Variants in PEX13 observed in about 807,000 individuals in gnomAD.
PEX13 encodes the protein peroxisome biogenesis factor 13.
A neutral mutation model predicts 34.5 loss-of-function variants in PEX13; 28 were observed. The ratio of observed to expected loss-of-function variants is 0.81; its 90% CI spans 0.60 to 1.11. PEX13 has a LOEUF of 1.11. PEX13 is among the 50% of genes most tolerant of loss of function. The pLI is 0.00. For synonymous variants in PEX13, 177 were observed against 175.1 expected (o/e 1.01, Z -0.09); for missense variants, 550 against 491.0 (o/e 1.12, Z -1.13).
At chr2:61,027,015 G>C (rs1680368261) in intron 1 of PEX13, among the ~76,000 whole-genome samples, 1 of 151,878 alleles carries the variant, frequency 6.6e-6, no homozygotes, top group South Asian at 2.1e-4. Flanking sequence ...ACTTAGGTAA[G>C]AATCAGGTGT....
chr2:61,028,304 CTTAAT>C (rs1264974697), intron 1 of PEX13, among the ~76,000 whole-genome samples: 4 of 151,972 alleles, frequency 2.6e-5, no homozygotes, highest in Non-Finnish European at 5.9e-5. Context: ...TAAATGCAAT[CTTAAT>C]TTAATAGGAG....
intron 1 of PEX13, among the ~76,000 whole-genome samples, chr2:61,019,382 C>G (rs1024980047): frequency 6.6e-6 from 1 of 151,834 alleles, no homozygotes; most frequent in African/African-American, 2.4e-5. Flanking sequence ...TGTGTGGCTT[C>G]TCCTCTTTAT....
At chr2:61,030,722 G>C (rs1339139524) in intron 1 of PEX13, among the ~76,000 whole-genome samples, 1 of 152,084 alleles carries the variant, frequency 6.6e-6, no homozygotes, top group Non-Finnish European at 1.5e-5. Flanking sequence ...GCAGTGATTT[G>C]GTATCTGCTG....
chr2:61,048,920 T>C lies in PEX13; in HGVS notation c.*150T>C. On this transcript the variant is annotated 3_prime_UTR_variant, in exon 4 of 4. Coordinates refer to ENST00000295030, the MANE Select transcript of PEX13 (RefSeq NM_002618.4). ...GCTAGAAATTATTAAAGTTACACAC[T>C]AGTATGTTGGTCTGGTGACCTGGTT... The C allele has an allele frequency of 1.5e-6, 1 of 681,896 alleles. No homozygotes were observed. The highest frequency in any genetic ancestry group is 1.8e-5 in the South Asian group (1 of 55,120). The allele number at this position is 681,896 out of a possible 1,614,324, so 42.2% of individuals were successfully genotyped here. A position where few individuals can be genotyped will look rare whatever the true frequency, so the allele number is the denominator to read the frequency against.
chr2:61,037,301 A>G (rs771821700), intron 2 of PEX13, among the ~76,000 whole-genome samples: 3 of 152,198 alleles, frequency 2.0e-5, no homozygotes, highest in Admixed American at 6.5e-5. Context: ...CTACACCCCA[A>G]ATCAACAGAG....
intron 2 of PEX13, among the ~76,000 whole-genome samples, chr2:61,041,480 G>C (rs1288192837): frequency 6.6e-6 from 1 of 152,182 alleles, no homozygotes; most frequent in East Asian, 1.9e-4. Flanking sequence ...GAAGGATGAT[G>C]AATGATGTAA....
At chr2:61,033,982 TGTTTTGTTTTTTG>T (rs1680492579) in intron 2 of PEX13, among the ~76,000 whole-genome samples, 1 of 145,932 alleles carries the variant, frequency 6.9e-6, no homozygotes, top group Admixed American at 7.8e-5. Flanking sequence ...TGTTTTTTTT[TGTTTTGTTTTTTG>T]TTTTGTTTTT....
intron 1 of PEX13, among the ~76,000 whole-genome samples, chr2:61,030,883 A>G (rs1217706421): frequency 6.6e-6 from 1 of 152,154 alleles, no homozygotes; most frequent in Non-Finnish European, 1.5e-5. Flanking sequence ...GAAATGGGGA[A>G]TAGCTGCTAA....
chr2:61,021,528 GGGA>G (rs1333795778), intron 1 of PEX13, among the ~76,000 whole-genome samples: 1 of 152,210 alleles, frequency 6.6e-6, no homozygotes, highest in East Asian at 1.9e-4. Context: ...AGCTTGAACT[GGGA>G]GGAGCCCACT....
At chr2:61,018,107 C>G in intron 1 of PEX13, 1 of 1,545,764 alleles carries the variant, frequency 6.5e-7, no homozygotes, top group East Asian at 2.4e-5. Flanking sequence ...GGTCTCTGTG[C>G]TTGAAAGAAA....
chr2:61,027,095 G>A (rs562316927), intron 1 of PEX13, among the ~76,000 whole-genome samples: 2 of 151,814 alleles, frequency 1.3e-5, no homozygotes, highest in African/African-American at 4.8e-5. Context: ...GGCCAAGGCA[G>A]GAGGATTGCT....
chr2:61,049,750 G>C lies in PEX13; in HGVS notation c.*980G>C, dbSNP rs548289599. 1.3e-5 allele frequency: 2 copies of C among 152,132 alleles called. No homozygotes were observed. Among genetic ancestry groups the C allele is most frequent in the South Asian group, 4.1e-4 (2 of 4,824 alleles). 9.4% of individuals were successfully genotyped at this position (152,132 alleles called of 1,614,324 possible). A position where few individuals can be genotyped will look rare whatever the true frequency, so the allele number is the denominator to read the frequency against. Reference sequence around the variant, plus strand: ...AGATCTCGCCATTGCACTTCAGCCTGGGCAACAAAAGCGAAACTCCATCTC... The same window carrying C: ...AGATCTCGCCATTGCACTTCAGCCTCGGCAACAAAAGCGAAACTCCATCTC... On this transcript the variant is annotated 3_prime_UTR_variant, in exon 4 of 4. Coordinates refer to ENST00000295030, the MANE Select transcript of PEX13 (RefSeq NM_002618.4).
At chr2:61,028,733 G>A (rs1680401214) in intron 1 of PEX13, among the ~76,000 whole-genome samples, 2 of 152,008 alleles carry the variant, frequency 1.3e-5, no homozygotes, top group Admixed American at 6.6e-5. Context: ...CTCTTTAGAA[G>A]GTCAGGGATA....
At chr2:61,019,050 A>G (rs1361489157) in intron 1 of PEX13, 1 of 152,326 alleles carries the variant, frequency 6.6e-6, no homozygotes, top group East Asian at 1.9e-4. Flanking sequence ...TTTTCAAAAT[A>G]AAAGACGGCT....
At chr2:61,045,951 C>G in intron 3 of PEX13, 100 bp downstream of exon 3, 1 of 1,041,146 alleles carries the variant, frequency 9.6e-7, no homozygotes, top group Non-Finnish European at 1.5e-6. Flanking sequence ...TGTTAGTTAA[C>G]TTAGAGATAG....
Position 61,051,907 on chromosome 2 carries a change from C to G in PEX13, c.*3137C>G, listed in dbSNP as rs566542969. The G allele has an allele frequency of 2.6e-5, 4 of 152,246 alleles. No homozygotes were observed. The highest frequency in any genetic ancestry group is 7.2e-5 in the African/African-American group (3 of 41,494). 9.4% of individuals were successfully genotyped at this position (152,246 alleles called of 1,614,324 possible). A position where few individuals can be genotyped will look rare whatever the true frequency, so the allele number is the denominator to read the frequency against. Reference sequence around the variant, plus strand: ...GTGCTTTCTTTAATAGAAAAATGAACAGAAACTGAATGCAGTTAAATTTTT... The same window carrying G: ...GTGCTTTCTTTAATAGAAAAATGAAGAGAAACTGAATGCAGTTAAATTTTT... On this transcript the variant is annotated 3_prime_UTR_variant, in exon 4 of 4. Coordinates refer to ENST00000295030, the MANE Select transcript of PEX13 (RefSeq NM_002618.4).
chr2:61,043,954 C>A (rs970025658), intron 2 of PEX13, among the ~76,000 whole-genome samples: 1 of 152,104 alleles, frequency 6.6e-6, no homozygotes, highest in Admixed American at 6.6e-5. Flanking sequence ...TAGTTAAATT[C>A]TGAGTTCTTT....
intron 1 of PEX13, among the ~76,000 whole-genome samples, chr2:61,023,038 T>C (rs1477366006): frequency 2.0e-5 from 3 of 151,750 alleles, no homozygotes; most frequent in Non-Finnish European, 4.4e-5. Flanking sequence ...AGTGTCTCAC[T>C]CTGCCACCCG....
chr2:61,027,349 A>C (rs1000654655), intron 1 of PEX13, among the ~76,000 whole-genome samples: 5 of 151,010 alleles, frequency 3.3e-5, no homozygotes, highest in Non-Finnish European at 5.9e-5. Flanking sequence ...AAAAAAAAAA[A>C]AAACAAAACA....
Sources: allele counts gnomAD v4.1 joint callset (sites outside exome capture counted in the v4.1 genomes callset), GRCh38; gene constraint gnomAD v4.1.1; transcripts MANE v1.5; gene names NCBI Gene and HGNC (gene_info 2026-07-23, HGNC 2026-07-21).